Variants in UBR2 observed in about 807,000 individuals in gnomAD.
UBR2 encodes E3 ubiquitin-protein ligase UBR2.
In UBR2, 92 loss-of-function variants were observed where a neutral mutation model predicts 247.9. That is an observed-to-expected ratio of 0.37 (90% confidence interval 0.31 to 0.44). The LOEUF (loss-of-function observed/expected upper bound fraction) is 0.44. Among genes scored for constraint, UBR2 ranks in the 20% least tolerant of loss-of-function variants. UBR2 has a pLI of 1.00. For synonymous variants in UBR2, 672 were observed against 693.5 expected (o/e 0.97, Z 0.49); for missense variants, 1,613 against 2,112.6 (o/e 0.76, Z 4.64).
chr6:42,614,399 C>CGT lies in UBR2; in HGVS notation c.986-672_986-671insGT, dbSNP rs1794375980. The stretch of plus-strand genomic sequence containing the variant: ...GTGTATATATGTATGTACGTACATA[C>CGT]ATACGTATGTATGTACGTACGTACA... On this transcript the variant is annotated intron_variant, in intron 8 of 46. Transcript: ENST00000372901. Among the ~76,000 whole-genome samples, 4 of 72,034 alleles carry CGT rather than the reference C, an allele frequency of 5.6e-5. 1 individual carries two copies. Among genetic ancestry groups the CGT allele is most frequent in the African/African-American group, 2.0e-4 (4 of 19,802 alleles). The allele number at this position is 72,034 out of a possible 152,430, so 47.3% of individuals were successfully genotyped here. A position where few individuals can be genotyped will look rare whatever the true frequency, so the allele number is the denominator to read the frequency against.
intron 32 of UBR2, 92 bp from the exon 33 acceptor site, chr6:42,665,317 G>A (rs980906002): frequency 3.2e-5 from 29 of 894,294 alleles, no homozygotes; most frequent in African/African-American, 5.2e-5. Context: ...TATTTGGAGT[G>A]TGTCTAAAAT....
In UBR2 at chr6:42,647,357, G is replaced by A. The variant is rs963756103; in HGVS notation, c.2410-761G>A. ...AACACTTTGGGAGACCAAGGTGGGCGGATCAGGAAGTCAGGAGTTTAAGAC... is the reference window on the plus strand; with the variant it reads ...AACACTTTGGGAGACCAAGGTGGGCAGATCAGGAAGTCAGGAGTTTAAGAC... On this transcript the variant is annotated intron_variant, in intron 21 of 46. Transcript: ENST00000372901. 2.9e-4 allele frequency among the ~76,000 whole-genome samples: 43 copies of A among 150,004 alleles called. No homozygotes were observed. In the South Asian group the frequency reaches 4.6e-3, roughly 16 times the overall value.
intron 8 of UBR2, among the ~76,000 whole-genome samples, chr6:42,614,342 G>GTA (rs1397389727): frequency 4.1e-5 from 1 of 24,214 alleles, no homozygotes; most frequent in Non-Finnish European, 1.1e-4. Flanking sequence ...ATGTGTATGT[G>GTA]TGTATGTATG....
At chr6:42,585,790 A>C (rs1482514016) in intron 2 of UBR2, among the ~76,000 whole-genome samples, 1 of 152,066 alleles carries the variant, frequency 6.6e-6, no homozygotes, top group African/African-American at 2.4e-5. Context: ...TGGTAATAGT[A>C]ATTTGTATTT....
intron 8 of UBR2, among the ~76,000 whole-genome samples, chr6:42,614,196 AAAAAAAAAAC>A (rs1384712139): frequency 0.14 from 6,911 of 47,900 alleles, 687 homozygotes; most frequent in South Asian, 0.24. Context: ...AAAAAAAAAA[AAAAAAAAAAC>A]TATATATATA....
At chr6:42,583,069 T>C (rs188627873) in intron 2 of UBR2, among the ~76,000 whole-genome samples, 12 of 152,252 alleles carry the variant, frequency 7.9e-5, no homozygotes, top group Admixed American at 7.8e-4. Context: ...TTCGTCAGAC[T>C]CATTTTGTGA....
chr6:42,619,454 T>TATAAA (rs774613776), intron 11 of UBR2: 1 of 30,584 alleles, frequency 3.3e-5, no homozygotes, highest in African/African-American at 1.6e-4. Context: ...TATATATATA[T>TATAAA]TTTTTTTTTT....
Position 42,674,131 on chromosome 6 carries a change from G to A in UBR2, c.4189G>A (p.Val1397Met). 2 of 1,613,614 alleles carry A rather than the reference G, an allele frequency of 1.2e-6. No individual in the cohort carries two copies. Among genetic ancestry groups the A allele is most frequent in the East Asian group, 2.2e-5 (1 of 44,860 alleles). ...GHFCKLFASL[V>M]PNDSHEELPC... ...ATTTCTCTTTAAATCTGTAGCACTGGTGCCTAATGACAGCCATGAGGAACT... is the reference window on the plus strand; with the variant it reads ...ATTTCTCTTTAAATCTGTAGCACTGATGCCTAATGACAGCCATGAGGAACT... The change falls in exon 38 of 47, where the codon GTG becomes ATG. Residue 1397 changes from valine (V) to methionine (M), a missense_variant. Physicochemically the swap from Val to Met is conservative, Grantham distance 21 (BLOSUM62 1). Around this residue, in one of 3 missense-constraint regions of UBR2, gnomAD observed 1,524 missense variants for 1,967.3 expected, o/e 0.77. Transcript: ENST00000372901.
At chr6:42,670,448 G>A (rs1015814063) in intron 35 of UBR2, among the ~76,000 whole-genome samples, 4 of 152,198 alleles carry the variant, frequency 2.6e-5, no homozygotes, top group African/African-American at 4.8e-5. Flanking sequence ...ACTCTTGGTG[G>A]TGGTGGTTAT....
intron 2 of UBR2, 28 bp downstream of exon 2, chr6:42,574,021 A>C: frequency 6.6e-7 from 1 of 1,522,926 alleles, no homozygotes; most frequent in Non-Finnish European, 8.8e-7. Flanking sequence ...TCTTTCTAGG[A>C]GGCTCTTGTT....
intron 11 of UBR2, among the ~76,000 whole-genome samples, chr6:42,629,203 GA>G (rs1795540109): frequency 6.6e-6 from 1 of 152,070 alleles, no homozygotes; most frequent in Non-Finnish European, 1.5e-5. Flanking sequence ...TTTTAGTAGA[GA>G]GGGGGTTTCG....
At position 42,691,288 on chromosome 6, in the gene UBR2, C is replaced by G. The variant is rs1799738269; in HGVS notation, c.*115C>G. On this transcript the variant is annotated 3_prime_UTR_variant, in exon 47 of 47. Transcript: ENST00000372901. ...AATTCTTTATTTAAACTTTCCTTCC[C>G]AGTTTTATAGTTTCTGGTTCTGAGG... is the stretch of plus-strand genomic sequence containing the variant. The G allele has an allele frequency of 6.9e-7, 1 of 1,442,780 alleles. No homozygotes were observed. Among genetic ancestry groups the G allele is most frequent in the Non-Finnish European group, 9.5e-7 (1 of 1,056,546 alleles). The allele number at this position is 1,442,780 out of a possible 1,614,324, so 89.4% of individuals were successfully genotyped here.
intron 34 of UBR2, among the ~76,000 whole-genome samples, chr6:42,669,860 G>A (rs1798330203): frequency 6.6e-6 from 1 of 152,130 alleles, no homozygotes; most frequent in Non-Finnish European, 1.5e-5. Context: ...TAGTGTGTAG[G>A]CTTGTGCCCA....
chr6:42,662,442 G>A (rs1326239392), intron 31 of UBR2, among the ~76,000 whole-genome samples, 165 bp downstream of exon 31: 2 of 152,184 alleles, frequency 1.3e-5, no homozygotes, highest in Non-Finnish European at 2.9e-5. Context: ...TGTCATAGAT[G>A]TAAAGTGTAT....
rs753291880 is a variant in UBR2 at position 42,573,776 on chromosome 6, C to T, written c.121C>T (p.His41Tyr). ...ATDLTREVYQ[H>Y]LAHYVPKIYC... ...TGACCTCACTAGAGAAGTGTACCAG[C>T]ATTTAGCCCACTATGTACCCAAAAT... Residue 41 changes from histidine (H) to tyrosine (Y), a missense_variant, in exon 2 of 47, where the codon CAT (histidine) becomes TAT (tyrosine). Transcript: ENST00000372901. The T allele has an allele frequency of 3.1e-6, 5 of 1,607,284 alleles. No homozygotes were observed. The South Asian group carries it at 4.4e-5, about 14-fold the overall frequency.
intron 4 of UBR2, among the ~76,000 whole-genome samples, chr6:42,599,605 T>C (rs1297250140): frequency 8.5e-6 from 1 of 117,172 alleles, no homozygotes; most frequent in Non-Finnish European, 1.8e-5. Flanking sequence ...TGGGGTTTTG[T>C]TTGGGGGTTT....
At chr6:42,690,646 T>C (rs1216973616) in intron 46 of UBR2, among the ~76,000 whole-genome samples, 1 of 152,226 alleles carries the variant, frequency 6.6e-6, no homozygotes, top group Non-Finnish European at 1.5e-5. Context: ...AGGAATATTT[T>C]TACTCCTATA....
At chr6:42,569,286 T>C (rs2151898594) in intron 1 of UBR2, among the ~76,000 whole-genome samples, 1 of 152,360 alleles carries the variant, frequency 6.6e-6, no homozygotes, top group South Asian at 2.1e-4. Flanking sequence ...CAGTAGTGCA[T>C]GAGAGTTCCA....
At chr6:42,624,098 A>G (rs570900680) in intron 11 of UBR2, among the ~76,000 whole-genome samples, 28 of 151,858 alleles carry the variant, frequency 1.8e-4, no homozygotes, top group Non-Finnish European at 3.5e-4. Flanking sequence ...GGAAAATTTT[A>G]TGTAAGATAG....
Sources: gnomAD v4.1 joint callset for allele counts (sites outside exome capture counted in the v4.1 genomes callset) on GRCh38, gnomAD v4.1.1 for gene constraint, gnomAD v4.1.1 regional missense constraint, MANE v1.5 for transcripts, NCBI Gene and HGNC (gene_info 2026-07-23, HGNC 2026-07-21) for gene names.